The following AGBL4 variants were observed in gnomAD, a reference collection of about 807,000 sequenced individuals.
AGBL4 encodes the protein cytosolic carboxypeptidase 6.
Under a neutral mutation model 66.4 loss-of-function variants are expected in AGBL4, and 58 were observed. The observed-to-expected ratio is 0.87, with a 90% CI of 0.71 to 1.09. The LOEUF (loss-of-function observed/expected upper bound fraction) is 1.09, where lower values mean the gene tolerates loss of function less well. Among genes scored for constraint, AGBL4 ranks in the 50% least tolerant of loss-of-function variants. AGBL4 has a pLI of 0.00. For synonymous variants in AGBL4, 234 were observed against 222.9 expected, an observed-to-expected ratio of 1.05 and a Z score of -0.44; for missense variants, 579 against 631.0, an observed-to-expected ratio of 0.92 and a Z score of 0.88.
chr1:48,846,328 A>T (rs1456766184), intron 6 of AGBL4, among the ~76,000 whole-genome samples: 1 of 151,516 alleles, frequency 6.6e-6, no homozygotes, highest in East Asian at 1.9e-4. Flanking sequence ...AGATAGATCG[A>T]TAGATAAGAA....
chr1:48,779,460 C>T (rs1645235422), intron 6 of AGBL4, among the ~76,000 whole-genome samples: 1 of 152,178 alleles, frequency 6.6e-6, no homozygotes, highest in Non-Finnish European at 1.5e-5. Flanking sequence ...TTCCCAACCA[C>T]CCACACTTTT....
intron 3 of AGBL4, among the ~76,000 whole-genome samples, chr1:49,273,521 T>C (rs1479711140): frequency 1.3e-5 from 2 of 150,482 alleles, no homozygotes; most frequent in African/African-American, 4.8e-5. Flanking sequence ...AAATCTCTTG[T>C]GTATATTCAA....
chr1:49,893,714 C>T (rs956037750), intron 1 of AGBL4, among the ~76,000 whole-genome samples: 1 of 152,152 alleles, frequency 6.6e-6, no homozygotes, highest in South Asian at 2.1e-4. Context: ...TAGAGAGCAC[C>T]GGTTAGATTT....
chr1:48,869,728 T>C lies in AGBL4; in HGVS notation c.595-2498A>G, dbSNP rs569871113. Among the ~76,000 whole-genome samples, 5 of 152,240 alleles carry C rather than the reference T, an allele frequency of 3.3e-5. No individual in the cohort carries two copies. In the South Asian group the frequency reaches 1.0e-3, roughly 32 times the overall value. On this transcript the variant is annotated intron_variant, in intron 5 of 13. Transcript: ENST00000371839. ...TAGTGTGCTTACAGGCTCCCTCTTC[T>C]GGTGTAGAACTCCCTGAGAACCTGT...
intron 5 of AGBL4, among the ~76,000 whole-genome samples, chr1:48,897,516 T>C (rs553648457): frequency 2.0e-5 from 3 of 152,222 alleles, no homozygotes; most frequent in Non-Finnish European, 4.4e-5. Context: ...TGCTAGATCA[T>C]ATGTTAATTC....
chr1:49,873,603 G>C (rs923545015), intron 1 of AGBL4, among the ~76,000 whole-genome samples: 1 of 152,064 alleles, frequency 6.6e-6, no homozygotes, highest in African/African-American at 2.4e-5. Flanking sequence ...TACTGAGTGT[G>C]AGACAAAAAC....
chr1:49,385,280 G>A (rs954345595), intron 3 of AGBL4, among the ~76,000 whole-genome samples: 7 of 151,950 alleles, frequency 4.6e-5, no homozygotes, highest in African/African-American at 7.3e-5. Context: ...TGGTTAGGAC[G>A]GTAAATTTTA....
At chr1:49,480,796 CTTGAG>C (rs1274437762) in intron 3 of AGBL4, among the ~76,000 whole-genome samples, 1 of 152,024 alleles carries the variant, frequency 6.6e-6, no homozygotes, top group Admixed American at 6.6e-5. Flanking sequence ...TTTAATCCAT[CTTGAG>C]TTAATTTTTG....
chr1:48,776,268 G>A (rs545685690), intron 6 of AGBL4, among the ~76,000 whole-genome samples: 7 of 152,188 alleles, frequency 4.6e-5, no homozygotes, highest in Admixed American at 3.9e-4. Flanking sequence ...GAGAAATGAC[G>A]GTACAAACAG....
intron 5 of AGBL4, among the ~76,000 whole-genome samples, chr1:48,995,116 T>A (rs746398887): frequency 6.6e-6 from 1 of 152,208 alleles, no homozygotes; most frequent in Non-Finnish European, 1.5e-5. Flanking sequence ...TCTTCATTCC[T>A]CCAGCCCTGA....
intron 6 of AGBL4, among the ~76,000 whole-genome samples, chr1:48,755,899 A>G (rs192637934): frequency 1.3e-5 from 2 of 152,214 alleles, no homozygotes; most frequent in Non-Finnish European, 2.9e-5. Context: ...ATGAACAAAC[A>G]TATATAACCC....
At chr1:49,738,650 C>T (rs970214789) in intron 2 of AGBL4, among the ~76,000 whole-genome samples, 2 of 152,164 alleles carry the variant, frequency 1.3e-5, no homozygotes, top group Non-Finnish European at 1.5e-5. Context: ...CTGGGAGGCA[C>T]CCCCCAGTAG....
At chr1:49,702,272 T>G (rs1472144620) in intron 2 of AGBL4, among the ~76,000 whole-genome samples, 1 of 151,990 alleles carries the variant, frequency 6.6e-6, no homozygotes, top group Non-Finnish European at 1.5e-5. Context: ...GCAGGCAGAT[T>G]ACAAGGTCAA....
intron 3 of AGBL4, among the ~76,000 whole-genome samples, chr1:49,289,254 C>T (rs529130391): frequency 2.7e-4 from 41 of 152,022 alleles, no homozygotes; most frequent in African/African-American, 9.4e-4. Context: ...GTTTAAATAA[C>T]ATATTAGATC....
intron 2 of AGBL4, among the ~76,000 whole-genome samples, chr1:49,762,961 A>G (rs1173003312): frequency 6.6e-6 from 1 of 152,206 alleles, no homozygotes; most frequent in Admixed American, 6.5e-5. Context: ...TGCCCAGCCC[A>G]GCGTCATAAA....
intron 3 of AGBL4, among the ~76,000 whole-genome samples, chr1:49,515,427 T>G (rs1479298137): frequency 6.6e-6 from 1 of 152,118 alleles, no homozygotes; most frequent in East Asian, 1.9e-4. Context: ...GGAACACTTT[T>G]ACACTGTTGG....
At chr1:49,743,583 G>A (rs1404829870) in intron 2 of AGBL4, among the ~76,000 whole-genome samples, 4 of 151,964 alleles carry the variant, frequency 2.6e-5, no homozygotes, top group African/African-American at 2.4e-5. Context: ...AAATCATGCC[G>A]CTATAAAGAC....
At chr1:48,719,998 C>T (rs1228650094) in intron 6 of AGBL4, among the ~76,000 whole-genome samples, 2 of 152,224 alleles carry the variant, frequency 1.3e-5, no homozygotes, top group Non-Finnish European at 2.9e-5. Context: ...GCCTCATGAC[C>T]TCCTCATGGA....
At chr1:49,470,874 G>GCTC (rs1646728441) in intron 3 of AGBL4, among the ~76,000 whole-genome samples, 1 of 152,010 alleles carries the variant, frequency 6.6e-6, no homozygotes, top group Non-Finnish European at 1.5e-5. Flanking sequence ...TGCTGCTGCT[G>GCTC]TACCTGCGGC....
Sources: gnomAD v4.1 joint callset for allele counts (sites outside exome capture counted in the v4.1 genomes callset) on GRCh38, gnomAD v4.1.1 for gene constraint, MANE v1.5 for transcripts, NCBI Gene and HGNC (gene_info 2026-07-23, HGNC 2026-07-21) for gene names.